The following ANGPT2 variants were observed in gnomAD, a reference collection of about 807,000 sequenced individuals.
The protein encoded by ANGPT2 is angiopoietin-2.
A neutral mutation model predicts 62.9 loss-of-function variants in ANGPT2; 28 were observed. The observed-to-expected ratio is 0.44, with a 90% confidence interval of 0.33 to 0.61. The LOEUF (loss-of-function observed/expected upper bound fraction) is 0.61. ANGPT2 is among the 20% of genes least tolerant of loss of function. The pLI is 0.03. For synonymous variants in ANGPT2, 284 were observed against 207.8 expected (o/e 1.37, Z -3.15); for missense variants, 727 against 594.9 (o/e 1.22, Z -2.31).
chr8:6,549,224 A>G (rs12114571), intron 1 of ANGPT2, among the ~76,000 whole-genome samples: 2,613 of 152,338 alleles, frequency 0.017, 79 homozygotes, highest in African/African-American at 0.06. Flanking sequence ...GTCAATCTAC[A>G]GCAGTACCAT....
chr8:6,560,146 C>T (rs561280353), intron 1 of ANGPT2, among the ~76,000 whole-genome samples: 17 of 152,176 alleles, frequency 1.1e-4, no homozygotes, highest in Non-Finnish European at 1.8e-4. Flanking sequence ...TAAAAGTGTA[C>T]GGATTTTGTA....
intron 1 of ANGPT2, among the ~76,000 whole-genome samples, chr8:6,562,137 C>G (rs991788004): frequency 6.6e-6 from 1 of 152,188 alleles, no homozygotes; most frequent in Non-Finnish European, 1.5e-5. Flanking sequence ...AGAGTCACAA[C>G]CTATTTTAGT....
intron 1 of ANGPT2, among the ~76,000 whole-genome samples, chr8:6,534,993 C>T (rs1445760423): frequency 1.3e-5 from 2 of 152,158 alleles, no homozygotes; most frequent in South Asian, 4.1e-4. Context: ...CTCACAGCAC[C>T]CCAGCCAAGA....
rs1563305001 is a variant in ANGPT2, at chr8:6,505,226, TATG to T, written c.1328-1968_1328-1966del. 3.3e-3 allele frequency among the ~76,000 whole-genome samples: 176 copies of T among 52,820 alleles called. 40 individuals are homozygous for T. The highest frequency in any genetic ancestry group is 0.018 in the African/African-American group (167 of 9,176). The allele number at this position is 52,820 out of a possible 152,430, so 34.7% of individuals were successfully genotyped here. The stretch of plus-strand genomic sequence containing the variant: ...TATATAGAATATATATATATATTCT[TATG>T]TATATATAGAATATATATTCTTTAT... On this transcript the variant is annotated intron_variant, in intron 8 of 8. Coordinates refer to ENST00000629816, the MANE Select transcript of ANGPT2 (RefSeq NM_001118887.2).
intron 3 of ANGPT2, among the ~76,000 whole-genome samples, chr8:6,523,808 C>T (rs1424185714): frequency 2.0e-5 from 3 of 151,566 alleles, no homozygotes; most frequent in Admixed American, 6.6e-5. Context: ...AGGCTGGTCT[C>T]GAACTCCTGA....
In ANGPT2 at chr8:6,527,632, G is replaced by A; in HGVS notation, c.489C>T (p.His163=). ...TTRLELQLLE[H]SLSTNKLEKQ... ...TTTCCAATTTGTTTGTCGAGAGGGA[G>A]TGTTCCAAGAGCTGAAGTTCAAGTC... Residue 163 remains histidine (H), a synonymous_variant, in exon 3 of 9, where the codon CAC becomes CAT. Coordinates refer to ENST00000629816, the MANE Select transcript of ANGPT2 (RefSeq NM_001118887.2). 1.2e-6 allele frequency: 2 copies of A among 1,613,980 alleles called. No individual in the cohort carries two copies. The highest frequency in any genetic ancestry group is 1.7e-6 in the Non-Finnish European group (2 of 1,179,914).
intron 1 of ANGPT2, among the ~76,000 whole-genome samples, chr8:6,533,569 C>CTTTTTTTTTTTTTTTTTTTTT (rs56882906): frequency 8.8e-6 from 1 of 113,340 alleles, no homozygotes; most frequent in Non-Finnish European, 1.7e-5. Context: ...CGTTTAGTTT[C>CTTTTTTTTTTTTTTTTTTTTT]TTTTTTTTTT....
At chr8:6,534,638 A>T (rs991007066) in intron 1 of ANGPT2, among the ~76,000 whole-genome samples, 1 of 152,208 alleles carries the variant, frequency 6.6e-6, no homozygotes, top group African/African-American at 2.4e-5. Context: ...GTATTAAAAA[A>T]TTTTTAAAAA....
At chr8:6,513,954 C>G (rs7846464) in intron 6 of ANGPT2, 110 bp from the exon 7 acceptor site, 2 of 1,075,978 alleles carry the variant, frequency 1.9e-6, no homozygotes, top group Non-Finnish European at 2.6e-6. Flanking sequence ...AGCAGAAATT[C>G]CTTCTGGTGC....
Position 6,513,745 on chromosome 8 carries a change from A to G in ANGPT2, c.1129T>C (p.Trp377Arg), listed in dbSNP as rs1452370812. 1 of 1,613,830 alleles carries G rather than the reference A, an allele frequency of 6.2e-7. No individual in the cohort carries two copies. The highest frequency in any genetic ancestry group is 1.7e-5 in the Admixed American group (1 of 59,976). Residue 377 changes from tryptophan to arginine, a missense_variant, in exon 7 of 9, where the codon TGG (tryptophan) becomes CGG (arginine). By Grantham distance (101) the Trp-to-Arg change is moderately radical. Transcript: ENST00000629816. The stretch of plus-strand genomic sequence containing the variant: ...AATGAGTAAGCCTCATTCCCTTCCC[A>G]GTCTTTAAGGTGTATTTTAAGCACA... ...RYVLKIHLKD[W>R]EGNEAYSLYE...
chr8:6,526,913 C>A (rs1035591191), intron 3 of ANGPT2, among the ~76,000 whole-genome samples: 2 of 151,964 alleles, frequency 1.3e-5, no homozygotes, highest in African/African-American at 4.8e-5. Context: ...TGAGATTTTT[C>A]TATATTTTAT....
At chr8:6,537,546 A>C (rs1402809933) in intron 1 of ANGPT2, among the ~76,000 whole-genome samples, 1 of 41,386 alleles carries the variant, frequency 2.4e-5, no homozygotes, top group Non-Finnish European at 6.6e-5. Context: ...TTAATGCAAC[A>C]TATATATATA....
chr8:6,514,820 A>T, intron 5 of ANGPT2, 42 bp from the exon 6 acceptor site: 2 of 1,506,944 alleles, frequency 1.3e-6, no homozygotes, highest in Non-Finnish European at 9.1e-7. Context: ...GAGCCCCCCC[A>T]CTCCCCCCTT....
chr8:6,499,917 C>G lies in ANGPT2; in HGVS notation c.*3184G>C, dbSNP rs200049022. On this transcript the variant is annotated 3_prime_UTR_variant, in exon 9 of 9. Coordinates refer to ENST00000629816, the MANE Select transcript of ANGPT2 (RefSeq NM_001118887.2). ...AGCCGTTCGAACTGTCTCACCACTT[C>G]CCTGCAGCTCCCGTAAGTCAGATGT... 4.3e-6 allele frequency: 7 copies of G among 1,613,556 alleles called. No homozygotes were observed. Among genetic ancestry groups the G allele is most frequent in the Non-Finnish European group, 4.2e-6 (5 of 1,179,802 alleles).
At chr8:6,509,383 C>A (rs1398997855) in intron 7 of ANGPT2, among the ~76,000 whole-genome samples, 1 of 152,208 alleles carries the variant, frequency 6.6e-6, no homozygotes, top group Non-Finnish European at 1.5e-5. Context: ...CAGCACCAGG[C>A]TCCTCCTCCC....
intron 1 of ANGPT2, among the ~76,000 whole-genome samples, chr8:6,536,655 C>T (rs755075570): frequency 6.6e-6 from 1 of 152,094 alleles, no homozygotes; most frequent in African/African-American, 2.4e-5. Context: ...GGATGTCCAT[C>T]ATATAGTATA....
chr8:6,505,312 A>ATCTT (rs1813219826), intron 8 of ANGPT2, among the ~76,000 whole-genome samples: 1 of 51,354 alleles, frequency 1.9e-5, no homozygotes, highest in African/African-American at 1.2e-4. Context: ...TGTATATAAC[A>ATCTT]TATATATGTT....
At chr8:6,550,838 C>T (rs1357041865) in intron 1 of ANGPT2, among the ~76,000 whole-genome samples, 2 of 152,176 alleles carry the variant, frequency 1.3e-5, no homozygotes, top group Non-Finnish European at 2.9e-5. Flanking sequence ...ACATGGCGTG[C>T]ACCTGATAAA....
intron 1 of ANGPT2, 95 bp downstream of exon 1, chr8:6,562,552 C>CTTTTTTTTTTTTATTTTTTTTTTTTTTT (rs1825707025): frequency 1.4e-5 from 1 of 71,748 alleles, no homozygotes. Flanking sequence ...CATCCTCCTT[C>CTTTTTTTTTTTTATTTTTTTTTTTTTTT]TTTTTTTTTT....
Sources: gnomAD v4.1 joint callset for allele counts (sites outside exome capture counted in the v4.1 genomes callset) on GRCh38, gnomAD v4.1.1 for gene constraint, MANE v1.5 for transcripts, NCBI Gene and HGNC (gene_info 2026-07-23, HGNC 2026-07-21) for gene names.